BCO2: variants seen among roughly 807,000 people sequenced by gnomAD.
BCO2 encodes the protein carotenoid-cleaving dioxygenase, mitochondrial.
BCO2 carries 56 observed loss-of-function variants against 65.8 expected under a neutral mutation model. The ratio of observed to expected loss-of-function variants is 0.85; its 90% CI spans 0.69 to 1.06. The LOEUF (loss-of-function observed/expected upper bound fraction) is 1.06. Among genes scored for constraint, BCO2 ranks in the 50% least tolerant of loss-of-function variants. The probability of loss-of-function intolerance (pLI) is 0.00; values close to 1 mark genes in which losing one functional copy is unlikely to be tolerated. For synonymous variants in BCO2, 233 were observed against 242.3 expected, an observed-to-expected ratio of 0.96 and a Z score of 0.36; for missense variants, 675 against 698.5, an observed-to-expected ratio of 0.97 and a Z score of 0.38.
chr11:112,192,010 A>G (rs1208047457), intron 2 of BCO2, among the ~76,000 whole-genome samples: 3 of 152,158 alleles, frequency 2.0e-5, no homozygotes, highest in Non-Finnish European at 4.4e-5. Flanking sequence ...CATGAAACAG[A>G]TCTTTAGAAC....
chr11:112,213,705 C>T lies in BCO2; in HGVS notation c.1195-19C>T. ...ACCATATGAATGACAATTTTCATCT[C>T]TTTCTTCTTCCCAAACAGGTCCATA... On this transcript the variant is annotated intron_variant, in intron 8 of 11. Transcript: ENST00000357685. 1 of 1,610,490 alleles carries T rather than the reference C, an allele frequency of 6.2e-7. No individual in the cohort carries two copies. Among genetic ancestry groups the T allele is most frequent in the South Asian group, 1.1e-5 (1 of 90,922 alleles).
At chr11:112,184,251 G>T (rs553278218) in intron 2 of BCO2, among the ~76,000 whole-genome samples, 71 of 151,430 alleles carry the variant, frequency 4.7e-4, no homozygotes, top group African/African-American at 1.6e-3. Context: ...GGGGAATGAG[G>T]AATTTTTTTT....
chr11:112,196,371 G>C (rs1345294733), intron 5 of BCO2, among the ~76,000 whole-genome samples: 1 of 152,074 alleles, frequency 6.6e-6, no homozygotes. Flanking sequence ...GGGAAACTTA[G>C]TGATTCTCAT....
At position 112,175,711 on chromosome 11, in the gene BCO2, CT is replaced by C. The variant is rs764836772; in HGVS notation, c.88+24del. ...CCAGGTAGAGGGTTTGCCCCTTTCTCTTCCTCATCCTCCTCTTCTTGCCAGT... is the reference window on the plus strand; with the variant it reads ...CCAGGTAGAGGGTTTGCCCCTTTCTCTCCTCATCCTCCTCTTCTTGCCAGT... On this transcript the variant is annotated intron_variant, in intron 1 of 11. Transcript: ENST00000357685. 6.3e-6 allele frequency: 10 copies of C among 1,578,802 alleles called. No homozygotes were observed. The African/African-American group carries it at 1.2e-4, about 19-fold the overall frequency.
rs1253128271 is a variant in BCO2, at chr11:112,213,733, T to A, written c.1204T>A (p.Ser402Thr). The change falls in exon 9 of 12, where the codon TCA (serine) becomes ACA (threonine). Residue 402 changes from serine (S) to threonine (T), a missense_variant. Transcript: ENST00000357685. Reference sequence around the variant, plus strand: ...TCTTCTTCCCAAACAGGTCCATAATTCAGCAGCCAAATCTTTCCCTCGAAG... The same window carrying A: ...TCTTCTTCCCAAACAGGTCCATAATACAGCAGCCAAATCTTTCCCTCGAAG... ...AGEGLDQVHN[S>T]AAKSFPRRFV... is the part of the protein sequence containing the mutation. The A allele has an allele frequency of 3.1e-6, 5 of 1,613,244 alleles. No individual in the cohort carries two copies. Among genetic ancestry groups the A allele is most frequent in the Non-Finnish European group, 4.2e-6 (5 of 1,179,486 alleles).
chr11:112,217,718 G>T, intron 11 of BCO2, 43 bp from the exon 12 acceptor site: 2 of 1,482,068 alleles, frequency 1.3e-6, no homozygotes, highest in African/African-American at 1.4e-5. Context: ...GCAAATTTTT[G>T]ATGAAAAAAA....
At chr11:112,175,723 CCTCTT>C (rs1566760423) in intron 1 of BCO2, 34 bp downstream of exon 1, 1 of 1,544,734 alleles carries the variant, frequency 6.5e-7, no homozygotes, top group East Asian at 2.2e-5. Context: ...TCCTCATCCT[CCTCTT>C]CTTGCCAGTC....
At chr11:112,187,203 A>G (rs185550512) in intron 2 of BCO2, among the ~76,000 whole-genome samples, 122 of 152,028 alleles carry the variant, frequency 8.0e-4, no homozygotes, top group Middle Eastern at 3.4e-3. Context: ...AGGCTTATCT[A>G]CTGTCTCTTA....
chr11:112,185,413 C>A (rs1867170623), intron 2 of BCO2, among the ~76,000 whole-genome samples: 1 of 152,074 alleles, frequency 6.6e-6, no homozygotes, highest in Non-Finnish European at 1.5e-5. Flanking sequence ...CCTCTATGGC[C>A]AGGAAGGAAT....
intron 8 of BCO2, among the ~76,000 whole-genome samples, chr11:112,209,080 A>G (rs774481841): frequency 6.6e-6 from 1 of 152,204 alleles, no homozygotes; most frequent in Non-Finnish European, 1.5e-5. Context: ...TGATGAATCA[A>G]TGTAGGAGTG....
chr11:112,199,433 G>A (rs1209347413), intron 5 of BCO2, among the ~76,000 whole-genome samples: 7 of 152,256 alleles, frequency 4.6e-5, no homozygotes, highest in African/African-American at 1.2e-4. Flanking sequence ...TGTTTCCTAC[G>A]AATTAGAGAT....
chr11:112,210,767 C>G lies in BCO2; in HGVS notation c.1195-2957C>G, dbSNP rs542179167. 2.2e-4 allele frequency among the ~76,000 whole-genome samples: 34 copies of G among 151,910 alleles called. 1 individual carries two copies. In the East Asian group the frequency reaches 6.2e-3, roughly 28 times the overall value. On this transcript the variant is annotated intron_variant, in intron 8 of 11. Coordinates refer to ENST00000357685, the MANE Select transcript of BCO2 (RefSeq NM_031938.7). ...AGAACTAAATACACGCACACACACACACACACACACACACACGAATGCATG... is the reference window on the plus strand; with the variant it reads ...AGAACTAAATACACGCACACACACAGACACACACACACACACGAATGCATG...
chr11:112,206,525 A>G (rs894497752), intron 8 of BCO2, among the ~76,000 whole-genome samples: 11 of 152,298 alleles, frequency 7.2e-5, no homozygotes, highest in African/African-American at 2.6e-4. Flanking sequence ...TTGGGAGGCC[A>G]AGGTGGGAGG....
chr11:112,199,745 TG>T lies in BCO2; in HGVS notation c.787del (p.Glu263ArgfsTer8), dbSNP rs770999421. On this transcript the variant is annotated frameshift_variant, in exon 6 of 12. Coordinates refer to ENST00000357685, the MANE Select transcript of BCO2 (RefSeq NM_031938.7). LOFTEE classifies it high-confidence loss of function. ...IRVPPEKVDL[G>X]ETIHGVQVIC... ...GGGTTCCTCCAGAGAAGGTGGACCT[TG>T]GGGAGACAATCCATGGAGTCCAGGT... is the stretch of plus-strand genomic sequence containing the variant. The T allele has an allele frequency of 2.5e-6, 4 of 1,613,696 alleles. No homozygotes were observed. The highest frequency in any genetic ancestry group is 3.4e-6 in the Non-Finnish European group (4 of 1,179,644).
In BCO2 at chr11:112,214,813, G is replaced by A. The variant is rs1859611993; in HGVS notation, c.1384G>A (p.Gly462Ser). ...LHQEDLEKEGGIEFPQIYYDR... is the reference protein window; with the variant it reads ...LHQEDLEKEGSIEFPQIYYDR... ...TCAGGAGGACCTAGAAAAGGAAGGA[G>A]GCATTGAATTTCCTCAGATCTACTA... is the stretch of plus-strand genomic sequence containing the variant. Residue 462 changes from glycine (G) to serine (S), a missense_variant, in exon 10 of 12, where the codon GGC (glycine) becomes AGC (serine). Coordinates refer to ENST00000357685, the MANE Select transcript of BCO2 (RefSeq NM_031938.7). 6.2e-7 allele frequency: 1 copy of A among 1,613,852 alleles called. No individual in the cohort carries two copies. The highest frequency in any genetic ancestry group is 8.5e-7 in the Non-Finnish European group (1 of 1,179,724).
At chr11:112,196,973 C>T (rs1468229295) in intron 5 of BCO2, among the ~76,000 whole-genome samples, 1 of 136,586 alleles carries the variant, frequency 7.3e-6, no homozygotes, top group East Asian at 2.2e-4. Flanking sequence ...TTCTTTCCCT[C>T]CCTCCCTCAT....
rs1376392941 is a variant in BCO2, at chr11:112,179,699, C to T, written c.293+217C>T. ...TAGACTATTGTAAATTTGAAGCCCT[C>T]TGTGGTTTGTACCAAAAGAAGAGAG... On this transcript the variant is annotated intron_variant, in intron 2 of 11. Coordinates refer to ENST00000357685, the MANE Select transcript of BCO2 (RefSeq NM_031938.7). 3 of 545,890 alleles carry T rather than the reference C, an allele frequency of 5.5e-6. No individual in the cohort carries two copies. In the African/African-American group the frequency reaches 5.7e-5, roughly 10 times the overall value. 33.8% of individuals were successfully genotyped at this position (545,890 alleles called of 1,614,324 possible).
chr11:112,217,645 G>A, intron 11 of BCO2, 116 bp from the exon 12 acceptor site: 1 of 673,746 alleles, frequency 1.5e-6, no homozygotes, highest in Non-Finnish European at 2.6e-6. Context: ...ACAGGTGTGA[G>A]CCACTGTGCC....
chr11:112,187,145 T>C (rs1267827811), intron 2 of BCO2, among the ~76,000 whole-genome samples: 1 of 152,346 alleles, frequency 6.6e-6, no homozygotes. Context: ...AAACTTATTT[T>C]TTTCATTCCA....
Sources: gnomAD v4.1 joint callset for allele counts (sites outside exome capture counted in the v4.1 genomes callset) on GRCh38, gnomAD v4.1.1 for gene constraint, MANE v1.5 for transcripts, NCBI Gene and HGNC (gene_info 2026-07-23, HGNC 2026-07-21) for gene names.